Variants in EPHA6 observed in about 807,000 individuals in gnomAD.
EPHA6 encodes ephrin type-A receptor 6.
A neutral mutation model predicts 112.0 loss-of-function variants in EPHA6; 50 were observed. The observed-to-expected ratio is 0.45, with a 90% CI of 0.36 to 0.56. EPHA6 has a LOEUF of 0.56. Ranked by LOEUF, EPHA6 falls within the 20% of genes least tolerant of loss-of-function variation. The probability of loss-of-function intolerance (pLI) is 0.00; values close to 1 mark genes in which losing one functional copy is unlikely to be tolerated. For synonymous variants in EPHA6, 529 were observed against 490.7 expected, an observed-to-expected ratio of 1.08 and a Z score of -1.03; for missense variants, 1,280 against 1,417.4, an observed-to-expected ratio of 0.90 and a Z score of 1.56.
rs115479273 is a variant in EPHA6, at chr3:97,250,652, G to A, written c.1606+6365G>A. ...ATGATCACATCCTACATAATCTATAGCTATCATATGATATAAGGCTCTACT... is the reference window on the plus strand; with the variant it reads ...ATGATCACATCCTACATAATCTATAACTATCATATGATATAAGGCTCTACT... On this transcript the variant is annotated intron_variant, in intron 5 of 17. Transcript: ENST00000389672. Among the ~76,000 whole-genome samples, 688 of 152,162 alleles carry A rather than the reference G, an allele frequency of 4.5e-3. 6 individuals carry two copies. Among genetic ancestry groups the A allele is most frequent in the Non-Finnish European group, 6.7e-3 (454 of 68,000 alleles).
At chr3:97,504,806 G>A (rs2092205003) in intron 10 of EPHA6, among the ~76,000 whole-genome samples, 1 of 151,884 alleles carries the variant, frequency 6.6e-6, no homozygotes, top group African/African-American at 2.4e-5. Context: ...ATACCCTATA[G>A]TATTTTTACG....
intron 2 of EPHA6, among the ~76,000 whole-genome samples, chr3:96,942,218 G>C (rs1229294549): frequency 3.9e-5 from 6 of 152,202 alleles, no homozygotes; most frequent in Admixed American, 3.9e-4. Flanking sequence ...CAGAGGTGGA[G>C]CCTACAGAGG....
intron 15 of EPHA6, among the ~76,000 whole-genome samples, chr3:97,721,295 C>T (rs892259785): frequency 1.3e-5 from 2 of 152,148 alleles, no homozygotes; most frequent in African/African-American, 4.8e-5. Context: ...CTTAAGCAAC[C>T]CACACACACC....
At chr3:97,283,656 T>C (rs189773692) in intron 5 of EPHA6, among the ~76,000 whole-genome samples, 3 of 152,024 alleles carry the variant, frequency 2.0e-5, no homozygotes, top group Admixed American at 1.3e-4. Context: ...ATGTAATGCA[T>C]TAGGGGCTTA....
intron 2 of EPHA6, among the ~76,000 whole-genome samples, chr3:96,899,520 T>G (rs940299197): frequency 6.6e-6 from 1 of 152,214 alleles, no homozygotes; most frequent in Admixed American, 6.5e-5. Context: ...CAATCAAATA[T>G]GTAGACTAAT....
At chr3:97,584,409 G>A (rs1440021712) in intron 11 of EPHA6, among the ~76,000 whole-genome samples, 1 of 152,128 alleles carries the variant, frequency 6.6e-6, no homozygotes, top group Non-Finnish European at 1.5e-5. Context: ...TATCTGCAGT[G>A]TTTTTAAAAA....
At chr3:97,378,829 C>A (rs1431284867) in intron 5 of EPHA6, among the ~76,000 whole-genome samples, 3 of 151,962 alleles carry the variant, frequency 2.0e-5, no homozygotes, top group Non-Finnish European at 4.4e-5. Context: ...TAGGAAGTAA[C>A]TAGCTTGCTT....
chr3:97,167,637 T>C (rs2076574170), intron 3 of EPHA6, among the ~76,000 whole-genome samples: 1 of 152,084 alleles, frequency 6.6e-6, no homozygotes, highest in Non-Finnish European at 1.5e-5. Flanking sequence ...CTTTAAGATA[T>C]AAGGTGTCAT....
chr3:97,158,740 A>AT (rs2076345659), intron 3 of EPHA6, among the ~76,000 whole-genome samples: 1 of 152,154 alleles, frequency 6.6e-6, no homozygotes, highest in Non-Finnish European at 1.5e-5. Flanking sequence ...GGGAATCTGC[A>AT]TTTTACATAA....
chr3:96,876,252 T>A (rs943552528), intron 2 of EPHA6, among the ~76,000 whole-genome samples: 5 of 151,540 alleles, frequency 3.3e-5, no homozygotes, highest in African/African-American at 1.2e-4. Flanking sequence ...TTTTTATAAA[T>A]TTAATTATTT....
intron 3 of EPHA6, among the ~76,000 whole-genome samples, chr3:97,030,035 A>G (rs1231957594): frequency 2.6e-5 from 4 of 152,134 alleles, no homozygotes; most frequent in Admixed American, 6.6e-5. Flanking sequence ...GGATAAAGTG[A>G]CATGCAAAAA....
intron 11 of EPHA6, among the ~76,000 whole-genome samples, chr3:97,540,388 G>C (rs1284784307): frequency 6.6e-6 from 1 of 152,152 alleles, no homozygotes; most frequent in African/African-American, 2.4e-5. Context: ...ATCACACTCT[G>C]TTCAAGCAGG....
chr3:97,190,798 C>T (rs1008548405), intron 3 of EPHA6, among the ~76,000 whole-genome samples: 1 of 151,774 alleles, frequency 6.6e-6, no homozygotes, highest in African/African-American at 2.4e-5. Flanking sequence ...AGCGCACCAG[C>T]ATGGCACATG....
At chr3:96,855,897 C>G (rs2035668205) in intron 1 of EPHA6, among the ~76,000 whole-genome samples, 1 of 152,164 alleles carries the variant, frequency 6.6e-6, no homozygotes, top group Middle Eastern at 3.4e-3. Flanking sequence ...AAAATTAGAA[C>G]TGCAGTATAT....
At chr3:96,941,331 C>T (rs62263699) in intron 2 of EPHA6, among the ~76,000 whole-genome samples, 4,760 of 152,206 alleles carry the variant, frequency 0.031, 106 homozygotes, top group Middle Eastern at 0.065. Context: ...CTTCCCTTCT[C>T]GCTTCATTTC....
intron 5 of EPHA6, among the ~76,000 whole-genome samples, chr3:97,292,571 G>C (rs1040104349): frequency 6.6e-6 from 1 of 152,220 alleles, no homozygotes; most frequent in Non-Finnish European, 1.5e-5. Flanking sequence ...GTGATGGATA[G>C]GTGGATAGCT....
chr3:96,947,735 A>C (rs2041342830), intron 2 of EPHA6, among the ~76,000 whole-genome samples: 1 of 152,192 alleles, frequency 6.6e-6, no homozygotes, highest in African/African-American at 2.4e-5. Flanking sequence ...ACCACTGCTC[A>C]ATGAAATAAA....
chr3:97,745,036 G>C (rs2035653834), intron 16 of EPHA6, among the ~76,000 whole-genome samples: 1 of 151,874 alleles, frequency 6.6e-6, no homozygotes, highest in African/African-American at 2.4e-5. Context: ...AACTTGGTTA[G>C]TGAAGTATGG....
At chr3:97,449,323 C>T (rs1043710239) in intron 7 of EPHA6, among the ~76,000 whole-genome samples, 1 of 152,070 alleles carries the variant, frequency 6.6e-6, no homozygotes, top group African/African-American at 2.4e-5. Context: ...TACCAATGAA[C>T]TCTTTTTGGC....
Sources: allele counts gnomAD v4.1 joint callset (sites outside exome capture counted in the v4.1 genomes callset), GRCh38; gene constraint gnomAD v4.1.1; transcripts MANE v1.5; gene names NCBI Gene and HGNC (gene_info 2026-07-23, HGNC 2026-07-21).